The following ADAMTSL3 variants were observed in gnomAD, a reference collection of about 807,000 sequenced individuals.
ADAMTSL3 encodes ADAMTS like 3, also known as ADAMTS-like protein 3.
Under a neutral mutation model 201.7 loss-of-function variants are expected in ADAMTSL3, and 128 were observed. The ratio of observed to expected loss-of-function variants is 0.63; its 90% CI spans 0.55 to 0.73. The LOEUF (loss-of-function observed/expected upper bound fraction) is 0.73, where lower values mean the gene tolerates loss of function less well. Among genes scored for constraint, ADAMTSL3 ranks in the 30% least tolerant of loss-of-function variants. ADAMTSL3 has a pLI of 0.00. For synonymous variants in ADAMTSL3, 738 were observed against 748.4 expected (o/e 0.99, Z 0.23); for missense variants, 1,990 against 2,119.6 (o/e 0.94, Z 1.20).
At chr15:83,920,057 T>C (rs1362781786) in intron 16 of ADAMTSL3, among the ~76,000 whole-genome samples, 1 of 152,204 alleles carries the variant, frequency 6.6e-6, no homozygotes, top group African/African-American at 2.4e-5. Flanking sequence ...TATGCTATTA[T>C]TTAATTTAAG....
chr15:83,810,728 C>T (rs1339656576), intron 5 of ADAMTSL3, among the ~76,000 whole-genome samples: 1 of 152,016 alleles, frequency 6.6e-6, no homozygotes, highest in East Asian at 1.9e-4. Context: ...TCTGTTTGAA[C>T]ATTTTTCTTT....
rs149299146 is a variant in ADAMTSL3 at position 83,872,598 on chromosome 15, CCACA to C, written c.960+1666_960+1669del. ...GTGATTCTCAAGTAGAAAATATACACCACACACACACACACACACACACACACAC... is the reference window on the plus strand; with the variant it reads ...GTGATTCTCAAGTAGAAAATATACACCACACACACACACACACACACACAC... On this transcript the variant is annotated intron_variant, in intron 9 of 29. Coordinates refer to ENST00000286744, the MANE Select transcript of ADAMTSL3 (RefSeq NM_207517.3). 3.0e-4 allele frequency among the ~76,000 whole-genome samples: 14 copies of C among 46,506 alleles called. No homozygotes were observed. The South Asian group carries it at 5.2e-3, about 17-fold the overall frequency. 30.5% of individuals were successfully genotyped at this position (46,506 alleles called of 152,430 possible). A position where few individuals can be genotyped will look rare whatever the true frequency, so the allele number is the denominator to read the frequency against.
intron 3 of ADAMTSL3, among the ~76,000 whole-genome samples, chr15:83,766,624 C>T (rs1007949789): frequency 6.6e-5 from 10 of 151,990 alleles, no homozygotes; most frequent in African/African-American, 1.5e-4. Flanking sequence ...GATTCCTGGT[C>T]GTGAAAGGAA....
intron 6 of ADAMTSL3, among the ~76,000 whole-genome samples, chr15:83,837,485 T>A (rs1435435971): frequency 6.6e-6 from 1 of 152,038 alleles, no homozygotes; most frequent in South Asian, 2.1e-4. Flanking sequence ...ATTTTATATA[T>A]ATAAAAATGC....
intron 3 of ADAMTSL3, among the ~76,000 whole-genome samples, chr15:83,757,467 G>C (rs1269000473): frequency 6.9e-6 from 1 of 145,430 alleles, no homozygotes; most frequent in Non-Finnish European, 1.5e-5. Flanking sequence ...AGGGCACCAA[G>C]TCCCTAGGCT....
chr15:83,982,122 G>A (rs1052823611), intron 20 of ADAMTSL3, 151 bp from the exon 21 acceptor site: 6 of 657,430 alleles, frequency 9.1e-6, no homozygotes, highest in East Asian at 2.8e-5. Flanking sequence ...GATGTATAAT[G>A]TTATTCATGG....
intron 10 of ADAMTSL3, among the ~76,000 whole-genome samples, chr15:83,886,107 A>C (rs1217740593): frequency 6.6e-6 from 1 of 152,234 alleles, no homozygotes; most frequent in Non-Finnish European, 1.5e-5. Flanking sequence ...CAAAAGCAGC[A>C]TCTTTCATGC....
chr15:83,924,797 C>G (rs886506843), intron 17 of ADAMTSL3, among the ~76,000 whole-genome samples: 8 of 152,116 alleles, frequency 5.3e-5, no homozygotes, highest in Admixed American at 3.3e-4. Context: ...TCTCCTTTAC[C>G]CTTATTATCT....
chr15:83,974,489 A>C (rs988273084), intron 20 of ADAMTSL3, among the ~76,000 whole-genome samples: 8 of 152,222 alleles, frequency 5.3e-5, no homozygotes, highest in Non-Finnish European at 1.0e-4. Context: ...GATTTAACAC[A>C]GGATAAAATG....
At chr15:83,702,118 GC>G (rs1342921591) in intron 2 of ADAMTSL3, among the ~76,000 whole-genome samples, 2 of 152,316 alleles carry the variant, frequency 1.3e-5, no homozygotes, top group East Asian at 3.9e-4. Context: ...GAGACTGGTG[GC>G]ATTTTGCCCC....
At chr15:83,664,636 G>C (rs1015540979) in intron 2 of ADAMTSL3, among the ~76,000 whole-genome samples, 2 of 152,160 alleles carry the variant, frequency 1.3e-5, no homozygotes, top group Non-Finnish European at 2.9e-5. Flanking sequence ...TTGATGCTGT[G>C]TTTGAAGACT....
intron 5 of ADAMTSL3, among the ~76,000 whole-genome samples, chr15:83,816,157 C>A (rs961133799): frequency 2.6e-5 from 4 of 152,264 alleles, no homozygotes; most frequent in African/African-American, 7.2e-5. Context: ...CTTTCCTCCT[C>A]CTTTCTTACC....
At chr15:83,841,468 T>A (rs1019593952) in intron 7 of ADAMTSL3, among the ~76,000 whole-genome samples, 1 of 152,228 alleles carries the variant, frequency 6.6e-6, no homozygotes, top group African/African-American at 2.4e-5. Context: ...ATGGGTATCT[T>A]GGATCTCTAA....
At chr15:83,723,284 A>G (rs555797657) in intron 3 of ADAMTSL3, among the ~76,000 whole-genome samples, 14 of 152,318 alleles carry the variant, frequency 9.2e-5, no homozygotes, top group Middle Eastern at 3.4e-3. Context: ...TTTCAAAAAA[A>G]GAAGTTTGCA....
At chr15:83,687,287 C>T (rs2141443168) in intron 2 of ADAMTSL3, among the ~76,000 whole-genome samples, 1 of 152,218 alleles carries the variant, frequency 6.6e-6, no homozygotes, top group African/African-American at 2.4e-5. Context: ...TTAATATATC[C>T]AAATATTATT....
At position 83,743,373 on chromosome 15, in the gene ADAMTSL3, C is replaced by T. The variant is rs919692060; in HGVS notation, c.190-30150C>T. Among the ~76,000 whole-genome samples, 8 of 151,738 alleles carry T rather than the reference C, an allele frequency of 5.3e-5. No homozygotes were observed. In the East Asian group the frequency reaches 1.6e-3, roughly 30 times the overall value. On this transcript the variant is annotated intron_variant, in intron 3 of 29. Coordinates refer to ENST00000286744, the MANE Select transcript of ADAMTSL3 (RefSeq NM_207517.3). ...CTAAAAATACAAAAAATTAGCCGGG[C>T]GCGGTGGCGGGCGCCTGTAGTCCCA...
intron 3 of ADAMTSL3, among the ~76,000 whole-genome samples, chr15:83,714,853 C>CTT (rs2061987335): frequency 1.1e-4 from 4 of 36,346 alleles, no homozygotes; most frequent in Admixed American, 3.7e-4. Context: ...TCTCTCTTTC[C>CTT]CTCCCTCCCT....
chr15:83,975,168 A>AT (rs918466114), intron 20 of ADAMTSL3, among the ~76,000 whole-genome samples: 2 of 151,536 alleles, frequency 1.3e-5, no homozygotes, highest in African/African-American at 2.4e-5. Flanking sequence ...TGCCCGGCTA[A>AT]TTTTTTTGTA....
At chr15:83,658,387 A>T (rs2061120452) in intron 2 of ADAMTSL3, among the ~76,000 whole-genome samples, 1 of 152,204 alleles carries the variant, frequency 6.6e-6, no homozygotes, top group South Asian at 2.1e-4. Context: ...GGGATTACAG[A>T]TGTGAGCCAC....
Sources: gnomAD v4.1 joint callset for allele counts (sites outside exome capture counted in the v4.1 genomes callset) on GRCh38, gnomAD v4.1.1 for gene constraint, MANE v1.5 for transcripts, NCBI Gene and HGNC (gene_info 2026-07-23, HGNC 2026-07-21) for gene names.